PDE1A: variants seen among roughly 807,000 people sequenced by gnomAD.
PDE1A encodes dual specificity calcium/calmodulin-dependent 3',5'-cyclic nucleotide phosphodiesterase 1A.
PDE1A carries 35 observed loss-of-function variants against 61.7 expected under a neutral mutation model. The ratio of observed to expected loss-of-function variants is 0.57; its 90% CI spans 0.43 to 0.75. PDE1A has a LOEUF of 0.75. Among genes scored for constraint, PDE1A ranks in the 30% least tolerant of loss-of-function variants. The pLI is 0.00. For synonymous variants in PDE1A, 232 were observed against 213.2 expected (o/e 1.09, Z -0.77); for missense variants, 597 against 630.6 (o/e 0.95, Z 0.57).
chr2:182,177,048 G>A (rs369391892), intron 13 of PDE1A, among the ~76,000 whole-genome samples: 2 of 150,760 alleles, frequency 1.3e-5, no homozygotes, highest in Non-Finnish European at 3.0e-5. Context: ...ACTTGATCAT[G>A]GTGGATACGC....
In PDE1A at chr2:182,456,479, C is replaced by G. The variant is rs1424371046; in HGVS notation, c.101+65797G>C. ...TTTTTGAATCAATATAATACCTTAGCTGTGTAATGCCTAAATAAAAGTAGT... is the reference window on the plus strand; with the variant it reads ...TTTTTGAATCAATATAATACCTTAGGTGTGTAATGCCTAAATAAAAGTAGT... On this transcript the variant is annotated intron_variant, in intron 2 of 14. Coordinates refer to the PDE1A transcript ENST00000410103. Among the ~76,000 whole-genome samples, 3 of 152,054 alleles carry G rather than the reference C, an allele frequency of 2.0e-5. No homozygotes were observed. The East Asian group carries it at 5.8e-4, about 29-fold the overall frequency.
chr2:182,571,273 T>A, the PDE1A span, among the ~76,000 whole-genome samples: 114 of 152,286 alleles, frequency 7.5e-4, 4 homozygotes, highest in South Asian at 0.011. Flanking sequence ...ATAGGGGTCA[T>A]TGAAATATCA....
the PDE1A span, among the ~76,000 whole-genome samples, chr2:182,701,504 C>A: frequency 4.0e-4 from 60 of 151,884 alleles, no homozygotes; most frequent in Non-Finnish European, 7.2e-4. Context: ...CCTTAGCCTC[C>A]CAAGTAGCTG....
intron 1 of PDE1A, among the ~76,000 whole-genome samples, chr2:182,376,210 C>T (rs1700393671): frequency 6.6e-6 from 1 of 152,184 alleles, no homozygotes; most frequent in Admixed American, 6.5e-5. Context: ...GATTTTCCTT[C>T]CTATTGCATT....
At chr2:182,323,863 G>A (rs4644985) in intron 1 of PDE1A, among the ~76,000 whole-genome samples, 75,247 of 151,978 alleles carry the variant, frequency 0.5, 18,652 homozygotes, top group East Asian at 0.69. Flanking sequence ...GCAGACCAGC[G>A]TGTCAGTGTG....
intron 2 of PDE1A, among the ~76,000 whole-genome samples, chr2:182,447,803 A>G (rs1343455920): frequency 2.6e-5 from 4 of 152,070 alleles, no homozygotes; most frequent in African/African-American, 9.7e-5. Flanking sequence ...TGATTTCTGA[A>G]TTAATTAATT....
intron 8 of PDE1A, among the ~76,000 whole-genome samples, chr2:182,202,046 C>T (rs1686703600): frequency 6.6e-6 from 1 of 152,206 alleles, no homozygotes; most frequent in Non-Finnish European, 1.5e-5. Context: ...GCTTTCCCTT[C>T]TCACTCCCAC....
intron 1 of PDE1A, among the ~76,000 whole-genome samples, chr2:182,392,706 T>C (rs1701489663): frequency 6.6e-6 from 1 of 152,238 alleles, no homozygotes; most frequent in Non-Finnish European, 1.5e-5. Flanking sequence ...AATACACCTA[T>C]ACCAAATGGG....
At chr2:182,158,447 GT>G (rs1691211668) in intron 13 of PDE1A, among the ~76,000 whole-genome samples, 1 of 152,104 alleles carries the variant, frequency 6.6e-6, no homozygotes, top group African/African-American at 2.4e-5. Context: ...TGAAGTTTTT[GT>G]TTATTACTGA....
At chr2:182,466,977 T>C (rs1028183819) in intron 2 of PDE1A, among the ~76,000 whole-genome samples, 1 of 152,012 alleles carries the variant, frequency 6.6e-6, no homozygotes, top group African/African-American at 2.4e-5. Flanking sequence ...GCTCTTAAGA[T>C]TTGTCTTTTG....
At chr2:182,699,321 G>C in the PDE1A span, among the ~76,000 whole-genome samples, 2 of 152,134 alleles carry the variant, frequency 1.3e-5, no homozygotes, top group Non-Finnish European at 2.9e-5. Context: ...CTGATTGTTT[G>C]AGGTTCACTA....
intron 7 of PDE1A, among the ~76,000 whole-genome samples, chr2:182,219,527 CA>C (rs1688542460): frequency 1.3e-5 from 2 of 151,970 alleles, no homozygotes; most frequent in Non-Finnish European, 2.9e-5. Context: ...TGAATATTGA[CA>C]ACAAATATAG....
intron 6 of PDE1A, among the ~76,000 whole-genome samples, chr2:182,224,520 C>A (rs1436478477): frequency 2.6e-5 from 4 of 151,722 alleles, no homozygotes; most frequent in Admixed American, 2.6e-4. Flanking sequence ...CAATTAACTT[C>A]AATAATGTTA....
intron 13 of PDE1A, among the ~76,000 whole-genome samples, chr2:182,152,284 T>C (rs528083507): frequency 3.9e-4 from 60 of 152,230 alleles, no homozygotes; most frequent in African/African-American, 1.3e-3. Flanking sequence ...AAAAATGTAA[T>C]GTAGGATAAA....
chr2:182,247,559 C>T (rs993511258), intron 2 of PDE1A, among the ~76,000 whole-genome samples: 19 of 152,176 alleles, frequency 1.2e-4, no homozygotes, highest in Admixed American at 3.3e-4. Context: ...CCCTTTCCCT[C>T]GTACCCGCCT....
chr2:182,223,867 G>A, exon 7 of PDE1A: 1 of 1,559,146 alleles, frequency 6.4e-7, no homozygotes, highest in Non-Finnish European at 8.7e-7. Flanking sequence ...GACTTACCTT[G>A]TCTGAATGTG....
chr2:182,231,492 T>C (rs1167448137), intron 4 of PDE1A, among the ~76,000 whole-genome samples: 3 of 152,210 alleles, frequency 2.0e-5, no homozygotes, highest in African/African-American at 7.2e-5. Flanking sequence ...GTTACATAGA[T>C]GATGTCAATT....
intron 2 of PDE1A, 27 bp downstream of exon 2, chr2:182,264,274 A>G: frequency 4.1e-6 from 6 of 1,447,972 alleles, no homozygotes; most frequent in South Asian, 2.4e-5. Context: ...ATCAAAGAAG[A>G]TAAAAGAGAA....
At chr2:182,219,867 T>C (rs952922067) in intron 7 of PDE1A, among the ~76,000 whole-genome samples, 2 of 152,144 alleles carry the variant, frequency 1.3e-5, no homozygotes, top group African/African-American at 4.8e-5. Context: ...ATAATCATTT[T>C]ACTATCTGTA....
Sources: allele counts gnomAD v4.1 joint callset (sites outside exome capture counted in the v4.1 genomes callset), GRCh38; gene constraint gnomAD v4.1.1; transcripts MANE v1.5; gene names NCBI Gene and HGNC (gene_info 2026-07-23, HGNC 2026-07-21).